SLF1: variants seen among roughly 807,000 people sequenced by gnomAD.
SLF1 encodes the protein SMC5-SMC6 complex localization factor protein 1.
In SLF1, 105 loss-of-function variants were observed where a neutral mutation model predicts 123.0. The ratio of observed to expected loss-of-function variants is 0.85; its 90% CI spans 0.73 to 1.00. The LOEUF (loss-of-function observed/expected upper bound fraction) is 1.00. Ranked by LOEUF, SLF1 falls within the 50% of genes least tolerant of loss-of-function variation. The probability of loss-of-function intolerance (pLI) is 0.00; values close to 1 mark genes in which losing one functional copy is unlikely to be tolerated. For missense variants in SLF1, 1,239 were observed against 1,223.0 expected, an observed-to-expected ratio of 1.01 and a Z score of -0.20; for synonymous variants, 434 against 406.6, an observed-to-expected ratio of 1.07 and a Z score of -0.81.
chr5:94,670,903 A>C lies in SLF1; in HGVS notation c.1722A>C (p.Glu574Asp). 2 of 1,550,338 alleles carry C rather than the reference A, an allele frequency of 1.3e-6. No individual in the cohort carries two copies. Among genetic ancestry groups the C allele is most frequent in the Non-Finnish European group, 1.7e-6 (2 of 1,146,056 alleles). The change falls in exon 14 of 21, where the codon GAA (glutamate) becomes GAC (aspartate). Residue 574 changes from glutamate to aspartate, a missense_variant. By Grantham distance (45) the Glu-to-Asp change is conservative (BLOSUM62 2). Coordinates refer to ENST00000265140, the MANE Select transcript of SLF1 (RefSeq NM_032290.4). ...TAACAGGAAAGGCAATGCTTCTTGA[A>C]ATTTTTTGGTCAGGAAGTGAAACCT... ...LKITGKAMLL[E>D]IFWSGSETSG... is the part of the protein sequence containing the mutation.
intron 12 of SLF1, among the ~76,000 whole-genome samples, chr5:94,668,331 T>C (rs1585190532): frequency 6.6e-6 from 1 of 151,894 alleles, no homozygotes; most frequent in East Asian, 1.9e-4. Flanking sequence ...GTTGTGGTTG[T>C]AGTTTGTTTG....
chr5:94,683,548 A>G (rs1030062394), intron 15 of SLF1, among the ~76,000 whole-genome samples: 1 of 152,258 alleles, frequency 6.6e-6, no homozygotes, highest in African/African-American at 2.4e-5. Flanking sequence ...CTGTATGACC[A>G]TGGAATGCAG....
Position 94,688,487 on chromosome 5 carries a change from C to A in SLF1, c.2122-19C>A, listed in dbSNP as rs1561477660. 1 of 1,603,074 alleles carries A rather than the reference C, an allele frequency of 6.2e-7. No individual in the cohort carries two copies. Among genetic ancestry groups the A allele is most frequent in the Non-Finnish European group, 8.5e-7 (1 of 1,172,224 alleles). On this transcript the variant is annotated intron_variant, in intron 16 of 20. Transcript: ENST00000265140. ...TGTTTTTGTAGTTGAGAAAATAATG[C>A]AATATTATTTTTCAACAGGTATATT...
intron 4 of SLF1, among the ~76,000 whole-genome samples, chr5:94,636,389 CTCT>C (rs1383589334): frequency 6.6e-6 from 1 of 152,114 alleles, no homozygotes; most frequent in Non-Finnish European, 1.5e-5. Flanking sequence ...CCTTTCCTCT[CTCT>C]TCTGCTGATT....
At chr5:94,620,940 G>T (rs1791732291) in intron 1 of SLF1, among the ~76,000 whole-genome samples, 1 of 152,132 alleles carries the variant, frequency 6.6e-6, no homozygotes, top group African/African-American at 2.4e-5. Context: ...TCTAATGATT[G>T]ATACCAAATC....
intron 9 of SLF1, among the ~76,000 whole-genome samples, chr5:94,661,594 G>A (rs1749122012): frequency 6.6e-6 from 1 of 151,536 alleles, no homozygotes; most frequent in South Asian, 2.1e-4. Flanking sequence ...GAGTGCAGTG[G>A]TGCAATCTCA....
Position 94,686,652 on chromosome 5 carries a change from CT to C in SLF1, c.2058del (p.Phe686LeufsTer47). ...TTCAAATGTTTGTTGCAGAGGCAGT[CT>C]TTAAAAAGTTGTGTCTACAGAGCTC... ...WLQMFVAEAV[F>X]KKLCLQSSGS... On this transcript the variant is annotated frameshift_variant, in exon 16 of 21. Transcript: ENST00000265140. LOFTEE classifies it high-confidence loss of function. 6.2e-7 allele frequency: 1 copy of C among 1,614,108 alleles called. No individual in the cohort carries two copies. Among genetic ancestry groups the C allele is most frequent in the Middle Eastern group, 1.7e-4 (1 of 6,060 alleles).
At chr5:94,674,561 T>G (rs948357677) in intron 14 of SLF1, among the ~76,000 whole-genome samples, 1 of 152,260 alleles carries the variant, frequency 6.6e-6, no homozygotes, top group African/African-American at 2.4e-5. Flanking sequence ...GTTTCAAGAA[T>G]TCCATGCATG....
intron 7 of SLF1, 112 bp downstream of exon 7, chr5:94,651,957 A>G (rs1338956567): frequency 4.3e-6 from 2 of 463,474 alleles, no homozygotes; most frequent in East Asian, 4.8e-5. Context: ...TCCAATAGCT[A>G]GATTAAGAAA....
chr5:94,651,455 T>A (rs922010363), intron 6 of SLF1, among the ~76,000 whole-genome samples: 4 of 152,226 alleles, frequency 2.6e-5, no homozygotes, highest in Non-Finnish European at 5.9e-5. Flanking sequence ...TACTCATTAA[T>A]CGGAATTCAG....
rs1753537413 is a variant in SLF1 at position 94,696,831 on chromosome 5, A to G, written c.*1519A>G. On this transcript the variant is annotated 3_prime_UTR_variant, in exon 21 of 21. Transcript: ENST00000265140. The stretch of plus-strand genomic sequence containing the variant: ...CTTTCCTACATGTCAAATAGAAATC[A>G]CACCAGGTATCTTTGTCATGATAGA... The G allele has an allele frequency of 6.6e-6, 1 of 151,862 alleles. No individual in the cohort carries two copies. Among genetic ancestry groups the G allele is most frequent in the African/African-American group, 2.4e-5 (1 of 41,406 alleles). 9.4% of individuals were successfully genotyped at this position (151,862 alleles called of 1,614,324 possible). A position where few individuals can be genotyped will look rare whatever the true frequency, so the allele number is the denominator to read the frequency against.
intron 8 of SLF1, 22 bp downstream of exon 8, chr5:94,653,443 A>G: frequency 2.7e-6 from 4 of 1,469,758 alleles, no homozygotes; most frequent in African/African-American, 1.5e-5. Flanking sequence ...AAGCTAAGCT[A>G]TAGCTTTCTT....
At position 94,662,300 on chromosome 5, in the gene SLF1, T is replaced by C. The variant is rs1391719241; in HGVS notation, c.1158T>C (p.Ala386=). The C allele has an allele frequency of 6.5e-7, 1 of 1,548,042 alleles. No individual in the cohort carries two copies. The highest frequency in any genetic ancestry group is 8.7e-7 in the Non-Finnish European group (1 of 1,145,044). Reference sequence around the variant, plus strand: ...ATTATATGGTTGCTCTTTTGTAGGCTGTCAGATACAACTGCATTAGAATAG... The same window carrying C: ...ATTATATGGTTGCTCTTTTGTAGGCCGTCAGATACAACTGCATTAGAATAG... ...TLRKHIYRAQ[A]VRYNCIRIDK... is the part of the protein sequence containing the mutation. Residue 386 remains alanine (A), a splice_region_variant and synonymous_variant, in exon 10 of 21, where the codon GCT becomes GCC. Coordinates refer to ENST00000265140, the MANE Select transcript of SLF1 (RefSeq NM_032290.4).
At chr5:94,647,747 GTA>G (rs1247741882) in intron 5 of SLF1, among the ~76,000 whole-genome samples, 1 of 131,580 alleles carries the variant, frequency 7.6e-6, no homozygotes. Context: ...ATTAGACAAA[GTA>G]TTAGTGGCTT....
chr5:94,692,255 G>A lies in SLF1; in HGVS notation c.2694G>A (p.Gly898=), dbSNP rs764744055. The A allele has an allele frequency of 2.5e-6, 4 of 1,612,228 alleles. No individual in the cohort carries two copies. In the African/African-American group the frequency reaches 5.3e-5, roughly 22 times the overall value. Residue 898 remains glycine (G), a splice_region_variant and synonymous_variant, in exon 20 of 21, where the codon GGG becomes GGA. Coordinates refer to ENST00000265140, the MANE Select transcript of SLF1 (RefSeq NM_032290.4). ...TTGGCAAGCTGCTACTACAGCATGGGGGTGAGTGTGTTTATGCTAAATGGG... is the reference window on the plus strand; with the variant it reads ...TTGGCAAGCTGCTACTACAGCATGGAGGTGAGTGTGTTTATGCTAAATGGG... ...VEIGKLLLQH[G]GPVLLQQRNA...
intron 4 of SLF1, among the ~76,000 whole-genome samples, chr5:94,634,299 A>C (rs1359271064): frequency 2.0e-5 from 3 of 152,106 alleles, no homozygotes; most frequent in Non-Finnish European, 4.4e-5. Context: ...TCCTTTGATC[A>C]ACATTTCCTA....
chr5:94,690,489 C>T (rs1048488104), intron 18 of SLF1, among the ~76,000 whole-genome samples: 1 of 151,906 alleles, frequency 6.6e-6, no homozygotes, highest in Non-Finnish European at 1.5e-5. Context: ...TTTATTGTTT[C>T]AGAAAGTAAA....
chr5:94,635,475 T>C (rs1317482718), intron 4 of SLF1, among the ~76,000 whole-genome samples: 1 of 151,946 alleles, frequency 6.6e-6, no homozygotes, highest in East Asian at 1.9e-4. Context: ...TTGTAGTTTG[T>C]TTTCCAGTTG....
At chr5:94,676,449 G>A (rs1485356175) in intron 14 of SLF1, among the ~76,000 whole-genome samples, 3 of 152,146 alleles carry the variant, frequency 2.0e-5, no homozygotes, top group Non-Finnish European at 2.9e-5. Flanking sequence ...CCATATAGCC[G>A]CAACTGCAAG....
Sources: gnomAD v4.1 joint callset for allele counts (sites outside exome capture counted in the v4.1 genomes callset) on GRCh38, gnomAD v4.1.1 for gene constraint, MANE v1.5 for transcripts, NCBI Gene and HGNC (gene_info 2026-07-23, HGNC 2026-07-21) for gene names.